SLC4A7: variants seen among roughly 807,000 people sequenced by gnomAD.
SLC4A7 encodes sodium bicarbonate cotransporter 3.
A neutral mutation model predicts 137.6 loss-of-function variants in SLC4A7; 51 were observed. That is an observed-to-expected ratio of 0.37 (90% confidence interval 0.30 to 0.47). The LOEUF (loss-of-function observed/expected upper bound fraction) is 0.47. Among genes scored for constraint, SLC4A7 ranks in the 20% least tolerant of loss-of-function variants. The pLI, the probability that SLC4A7 is intolerant of heterozygous loss-of-function variation, is 1.00. For synonymous variants in SLC4A7, 542 were observed against 518.6 expected, an observed-to-expected ratio of 1.05 and a Z score of -0.61; for missense variants, 1,247 against 1,525.4, an observed-to-expected ratio of 0.82 and a Z score of 3.04.
rs1346924448 is a variant in SLC4A7 at position 27,383,035 on chromosome 3, T to C, written c.3590+118A>G. The stretch of plus-strand genomic sequence containing the variant: ...AAGCCCTCCTTTAGTTGATACACCA[T>C]ATGCAGATTGTATCATCTTTTATAA... On this transcript the variant is annotated intron_variant, in intron 24 of 25. Coordinates refer to ENST00000454389, the MANE Select transcript of SLC4A7 (RefSeq NM_001321103.2). The C allele has an allele frequency of 2.8e-5, 19 of 672,152 alleles. No homozygotes were observed. The Admixed American group carries it at 5.5e-4, about 20-fold the overall frequency. The allele number at this position is 672,152 out of a possible 1,614,324, so 41.6% of individuals were successfully genotyped here. A position where few individuals can be genotyped will look rare whatever the true frequency, so the allele number is the denominator to read the frequency against.
At chr3:27,425,206 A>T (rs1021444081) in intron 7 of SLC4A7, among the ~76,000 whole-genome samples, 1 of 151,920 alleles carries the variant, frequency 6.6e-6, no homozygotes, top group Non-Finnish European at 1.5e-5. Flanking sequence ...CCCCATCTCT[A>T]CTAAAAATAC....
At chr3:27,465,443 C>T in intron 1 of SLC4A7, among the ~76,000 whole-genome samples, 1 of 149,132 alleles carries the variant, frequency 6.7e-6, no homozygotes, top group Non-Finnish European at 1.5e-5. Flanking sequence ...AACCATTTTC[C>T]CATGTTCTAA....
chr3:27,437,243 C>T (rs1364764284), intron 4 of SLC4A7, 145 bp downstream of exon 4: 9 of 423,184 alleles, frequency 2.1e-5, no homozygotes, highest in Admixed American at 9.0e-5. Flanking sequence ...GTCAGCTACT[C>T]GGGAGGCTGA....
intron 22 of SLC4A7, among the ~76,000 whole-genome samples, chr3:27,388,840 A>G (rs960008624): frequency 1.7e-5 from 2 of 115,830 alleles, no homozygotes; most frequent in African/African-American, 2.6e-5. Context: ...ATAAGATTAC[A>G]TAAGTACCCA....
intron 1 of SLC4A7, 22 bp downstream of exon 1, chr3:27,484,045 C>T (rs2059838844): frequency 1.4e-6 from 2 of 1,390,556 alleles, no homozygotes; most frequent in Non-Finnish European, 9.4e-7. Flanking sequence ...GCGGAGGAGC[C>T]CCACCGCCGC....
At chr3:27,403,635 T>G (rs564442457) in intron 14 of SLC4A7, among the ~76,000 whole-genome samples, 87 of 152,218 alleles carry the variant, frequency 5.7e-4, no homozygotes, top group African/African-American at 1.9e-3. Context: ...TACACTTATA[T>G]AAAAGATTTA....
chr3:27,473,850 T>G (rs543179244), intron 1 of SLC4A7, among the ~76,000 whole-genome samples: 209 of 152,220 alleles, frequency 1.4e-3, no homozygotes, highest in African/African-American at 4.9e-3. Context: ...AGAGCGTATG[T>G]GCACAAATTG....
intron 1 of SLC4A7, among the ~76,000 whole-genome samples, chr3:27,461,000 T>C (rs1466479361): frequency 1.3e-5 from 2 of 152,106 alleles, no homozygotes; most frequent in Non-Finnish European, 2.9e-5. Context: ...AGTAATAAAA[T>C]TATAACCAGA....
intron 11 of SLC4A7, among the ~76,000 whole-genome samples, chr3:27,416,758 T>C (rs2054426259): frequency 6.6e-6 from 1 of 152,204 alleles, no homozygotes; most frequent in African/African-American, 2.4e-5. Flanking sequence ...CTCATGAATA[T>C]ACTCACCAAG....
rs766088206 is a variant in SLC4A7 at position 27,390,117 on chromosome 3, T to C, written c.3187-13A>G. ...TACGGTCAAATAACTACATATAGAA[T>C]AAAAAACAAAGAAGTTTTCAATAAA... On this transcript the variant is annotated splice_polypyrimidine_tract_variant and intron_variant, in intron 21 of 25. Coordinates refer to ENST00000454389, the MANE Select transcript of SLC4A7 (RefSeq NM_001321103.2). The C allele has an allele frequency of 1.9e-5, 29 of 1,499,762 alleles. No homozygotes were observed. Among genetic ancestry groups the C allele is most frequent in the Non-Finnish European group, 2.6e-5 (29 of 1,095,888 alleles). The allele number at this position is 1,499,762 out of a possible 1,614,324, so 92.9% of individuals were successfully genotyped here.
intron 25 of SLC4A7, among the ~76,000 whole-genome samples, chr3:27,378,760 C>A (rs749787392): frequency 6.6e-6 from 1 of 152,170 alleles, no homozygotes; most frequent in Non-Finnish European, 1.5e-5. Flanking sequence ...TTTTCTTAGA[C>A]CATCACAGAG....
At chr3:27,422,960 AATTAT>A (rs1301063698) in intron 8 of SLC4A7, 2 of 320,378 alleles carry the variant, frequency 6.2e-6, no homozygotes, top group Non-Finnish European at 1.3e-5. Context: ...CTATAATGTA[AATTAT>A]ATTAATTTAT....
intron 25 of SLC4A7, 27 bp from the exon 26 acceptor site, chr3:27,376,872 AT>A: frequency 2.6e-6 from 3 of 1,162,672 alleles, no homozygotes; most frequent in Non-Finnish European, 3.6e-6. Context: ...ATTAAAATAA[AT>A]AATTTTAAAA....
intron 3 of SLC4A7, among the ~76,000 whole-genome samples, chr3:27,447,373 G>C (rs1449295805): frequency 6.6e-6 from 1 of 152,134 alleles, no homozygotes; most frequent in African/African-American, 2.4e-5. Context: ...TTGCACTTTA[G>C]ATTTTACTAT....
intron 13 of SLC4A7, among the ~76,000 whole-genome samples, chr3:27,407,343 G>C (rs1231447646): frequency 6.6e-6 from 1 of 151,804 alleles, no homozygotes; most frequent in Non-Finnish European, 1.5e-5. Flanking sequence ...AGCCCGCCGT[G>C]GTGGTGGGCC....
At chr3:27,420,428 A>T (rs2054848433) in intron 10 of SLC4A7, among the ~76,000 whole-genome samples, 1 of 152,128 alleles carries the variant, frequency 6.6e-6, no homozygotes, top group African/African-American at 2.4e-5. Context: ...GGATAAAAAA[A>T]ATCCCAAAAT....
rs2054624402 is a variant in SLC4A7, at chr3:27,418,637, G to A, written c.1513-5C>T. ...ATAAGCTACATCATGGAAAATCTAA[G>A]TGAAAAAAATATTGAGTAAAAGATT... is the stretch of plus-strand genomic sequence containing the variant. On this transcript the variant is annotated splice_polypyrimidine_tract_variant and splice_region_variant and intron_variant, in intron 10 of 25. Transcript: ENST00000454389. The A allele has an allele frequency of 6.4e-7, 1 of 1,554,810 alleles. No homozygotes were observed. Among genetic ancestry groups the A allele is most frequent in the Non-Finnish European group, 8.8e-7 (1 of 1,139,968 alleles).
In SLC4A7 at chr3:27,448,695, T is replaced by A. The variant is rs1183225991; in HGVS notation, c.245A>T (p.Asp82Val). 1 of 1,613,278 alleles carries A rather than the reference T, an allele frequency of 6.2e-7. No homozygotes were observed. Among genetic ancestry groups the A allele is most frequent in the South Asian group, 1.1e-5 (1 of 91,034 alleles). The change falls in exon 3 of 26, where the codon GAT becomes GTT. Residue 82 changes from aspartate (D) to valine (V), a missense_variant. Physicochemically the swap from Asp to Val is radical, Grantham distance 152 (BLOSUM62 -3). Around this residue, in one of 6 missense-constraint regions of SLC4A7, gnomAD observed 176 missense variants for 186.4 expected, o/e 0.94. Transcript: ENST00000454389. Reference protein sequence around the residue: ...GHKHHHRRRKDKESDKEDGRE... With the variant: ...GHKHHHRRRKVKESDKEDGRE... ...TCCATCTTCTTTATCTGATTCTTTA[T>A]CTTTTCTTCTCCGGTGGTGATGTTT...
chr3:27,416,755 A>G (rs1029175101), intron 11 of SLC4A7, among the ~76,000 whole-genome samples: 3 of 152,216 alleles, frequency 2.0e-5, no homozygotes, highest in African/African-American at 4.8e-5. Context: ...ATACTCATGA[A>G]TATACTCACC....
Sources: allele counts gnomAD v4.1 joint callset (sites outside exome capture counted in the v4.1 genomes callset), GRCh38; gene constraint gnomAD v4.1.1; regional missense constraint gnomAD v4.1.1; transcripts MANE v1.5; gene names NCBI Gene and HGNC (gene_info 2026-07-23, HGNC 2026-07-21).